Variants in GPR141 observed in about 807,000 individuals in gnomAD.
GPR141 encodes the protein probable G protein-coupled receptor 141.
In GPR141, 6 loss-of-function variants were observed where a neutral mutation model predicts 6.8. That is an observed-to-expected ratio of 0.88 (90% CI 0.48 to 1.74). The LOEUF (loss-of-function observed/expected upper bound fraction) is 1.74. Among genes scored for constraint, GPR141 ranks in the 40% most tolerant of loss-of-function variants. The pLI, the probability that GPR141 is intolerant of heterozygous loss-of-function variation, is 0.01. For synonymous variants in GPR141, 140 were observed against 142.3 expected (o/e 0.98, Z 0.11); for missense variants, 372 against 372.9 (o/e 1.00, Z 0.02).
At chr7:37,733,566 G>A (rs889880752) in intron 2 of GPR141, among the ~76,000 whole-genome samples, 2 of 151,616 alleles carry the variant, frequency 1.3e-5, no homozygotes, top group Non-Finnish European at 2.9e-5. Flanking sequence ...CAGCTACTCC[G>A]GAGGCTGAGG....
intron 2 of GPR141, among the ~76,000 whole-genome samples, chr7:37,702,500 T>TGA (rs910002823): frequency 2.0e-5 from 3 of 152,004 alleles, no homozygotes; most frequent in African/African-American, 7.2e-5. Context: ...CAAATACAAA[T>TGA]TTTCACATTA....
At chr7:37,738,535 G>T (rs1183454173) in intron 2 of GPR141, among the ~76,000 whole-genome samples, 1 of 152,144 alleles carries the variant, frequency 6.6e-6, no homozygotes, top group Non-Finnish European at 1.5e-5. Context: ...TGTAACATGA[G>T]ACAGCTGTTG....
chr7:37,690,265 C>T (rs779258241), intron 2 of GPR141, among the ~76,000 whole-genome samples: 1 of 152,056 alleles, frequency 6.6e-6, no homozygotes, highest in Non-Finnish European at 1.5e-5. Flanking sequence ...ATGTCCCCTC[C>T]GAATCTCATG....
intron 2 of GPR141, among the ~76,000 whole-genome samples, chr7:37,705,648 A>G (rs958822922): frequency 1.3e-5 from 2 of 152,206 alleles, no homozygotes; most frequent in South Asian, 4.1e-4. Context: ...GGTCTGAGGG[A>G]AAAGATACCA....
At chr7:37,712,347 G>A (rs919876309) in intron 2 of GPR141, among the ~76,000 whole-genome samples, 5 of 152,140 alleles carry the variant, frequency 3.3e-5, no homozygotes, top group African/African-American at 1.2e-4. Flanking sequence ...TAGGGAGGAG[G>A]ACCCAAGAAT....
intron 2 of GPR141, among the ~76,000 whole-genome samples, chr7:37,733,996 A>G (rs532327066): frequency 2.4e-4 from 36 of 152,164 alleles, no homozygotes; most frequent in African/African-American, 8.7e-4. Context: ...ACATGGTGAA[A>G]CCCTGTCTCC....
At chr7:37,723,017 C>T (rs1292476329) in intron 2 of GPR141, among the ~76,000 whole-genome samples, 1 of 138,960 alleles carries the variant, frequency 7.2e-6, no homozygotes, top group South Asian at 2.3e-4. Flanking sequence ...GACAGAGTCT[C>T]AGTCTGTTGC....
intron 2 of GPR141, among the ~76,000 whole-genome samples, chr7:37,696,867 G>C (rs1810038380): frequency 6.6e-6 from 1 of 151,998 alleles, no homozygotes; most frequent in South Asian, 2.1e-4. Flanking sequence ...ACTCATTTCA[G>C]ATGCAGTAAA....
rs149735090 is a variant in GPR141 at position 37,699,556 on chromosome 7, G to A, written c.-15+13973G>A. On this transcript the variant is annotated intron_variant, in intron 2 of 2. Transcript: ENST00000334425. ...AGCCTGGGCAACACAGCGAGACTCC[G>A]ACTCAAAAAACAAAACAAAACAAAT... 5.1e-3 allele frequency among the ~76,000 whole-genome samples: 774 copies of A among 152,214 alleles called. 8 individuals are homozygous for A. The highest frequency in any genetic ancestry group is 0.017 in the African/African-American group (709 of 41,528).
intron 2 of GPR141, among the ~76,000 whole-genome samples, chr7:37,713,896 G>A (rs1301497068): frequency 6.6e-6 from 1 of 152,130 alleles, no homozygotes; most frequent in African/African-American, 2.4e-5. Flanking sequence ...TATTGATTGA[G>A]CAATCCCCAT....
Position 37,703,066 on chromosome 7 carries a change from C to T in GPR141, c.-15+17483C>T, listed in dbSNP as rs1053642166. On this transcript the variant is annotated intron_variant, in intron 2 of 2. Coordinates refer to ENST00000334425, the MANE Select transcript of GPR141 (RefSeq NM_001381946.1). The stretch of plus-strand genomic sequence containing the variant: ...ATATGTACCTTTAGTAAGGGTAAAC[C>T]GGTAGTATTATCTTTCAATTTTCAT... 3.3e-5 allele frequency among the ~76,000 whole-genome samples: 5 copies of T among 151,774 alleles called. 1 individual carries two copies. The highest frequency in any genetic ancestry group is 1.3e-4 in the Admixed American group (2 of 15,236).
chr7:37,736,544 A>G (rs1812249627), intron 2 of GPR141, among the ~76,000 whole-genome samples: 1 of 146,838 alleles, frequency 6.8e-6, no homozygotes. Flanking sequence ...CTTTCTTAAA[A>G]AGAAAGAAAG....
rs758754374 is a variant in GPR141 at position 37,685,501 on chromosome 7, A to C, written c.-97A>C. The C allele has an allele frequency of 6.6e-6, 1 of 151,844 alleles. No individual in the cohort carries two copies. Among genetic ancestry groups the C allele is most frequent in the East Asian group, 1.9e-4 (1 of 5,172 alleles). The allele number at this position is 151,844 out of a possible 1,614,324, so 9.4% of individuals were successfully genotyped here. ...GCCCAGGCTGGAGTTTAGCGACTCA[A>C]TCATGGCTCACTGACTGCAGCATCG... On this transcript the variant is annotated 5_prime_UTR_variant, in exon 2 of 3. Transcript: ENST00000334425.
intron 2 of GPR141, among the ~76,000 whole-genome samples, chr7:37,709,174 C>T (rs535321095): frequency 1.3e-5 from 2 of 152,222 alleles, no homozygotes; most frequent in Admixed American, 6.5e-5. Flanking sequence ...TCATCGTACA[C>T]AGAAAGAAAT....
intron 2 of GPR141, 141 bp downstream of exon 2, chr7:37,685,724 C>T (rs1168961810): frequency 6.9e-6 from 1 of 144,830 alleles, no homozygotes; most frequent in Non-Finnish European, 1.5e-5. Flanking sequence ...ACTGGGATAA[C>T]AAACATGAGC....
intron 2 of GPR141, among the ~76,000 whole-genome samples, chr7:37,726,824 G>A (rs1423371602): frequency 6.6e-6 from 1 of 152,148 alleles, no homozygotes; most frequent in African/African-American, 2.4e-5. Context: ...AATTATACCA[G>A]TAATATCCTT....
chr7:37,732,459 T>C (rs930156613), intron 2 of GPR141, among the ~76,000 whole-genome samples: 1 of 152,234 alleles, frequency 6.6e-6, no homozygotes, highest in Middle Eastern at 3.4e-3. Context: ...ATGGAGATGT[T>C]GCAATTTGAT....
At chr7:37,707,167 A>G (rs1810565022) in intron 2 of GPR141, among the ~76,000 whole-genome samples, 1 of 152,198 alleles carries the variant, frequency 6.6e-6, no homozygotes, top group Admixed American at 6.5e-5. Flanking sequence ...GAACGTCTAC[A>G]TAATAATAGA....
intron 2 of GPR141, among the ~76,000 whole-genome samples, chr7:37,722,720 CAA>C (rs146286812): frequency 0.58 from 70,568 of 120,746 alleles, 18,945 homozygotes; most frequent in South Asian, 0.73. Flanking sequence ...GACTCCATCT[CAA>C]AAAAAAAAAA....
Sources: gnomAD v4.1 joint callset for allele counts (sites outside exome capture counted in the v4.1 genomes callset) on GRCh38, gnomAD v4.1.1 for gene constraint, MANE v1.5 for transcripts, NCBI Gene and HGNC (gene_info 2026-07-23, HGNC 2026-07-21) for gene names.